SLC22A15: variants seen among roughly 807,000 people sequenced by gnomAD.
The protein encoded by SLC22A15 is flipt 1.
In SLC22A15, 45 loss-of-function variants were observed where a neutral mutation model predicts 62.7. That is an observed-to-expected ratio of 0.72 (90% CI 0.56 to 0.92). The LOEUF (loss-of-function observed/expected upper bound fraction) is 0.92. Ranked by LOEUF, SLC22A15 falls within the 40% of genes least tolerant of loss-of-function variation. The pLI is 0.00. For synonymous variants in SLC22A15, 264 were observed against 267.0 expected (o/e 0.99, Z 0.11); for missense variants, 622 against 665.6 (o/e 0.93, Z 0.72).
chr1:116,055,188 A>G (rs1270993773), intron 8 of SLC22A15, among the ~76,000 whole-genome samples: 2 of 150,350 alleles, frequency 1.3e-5, no homozygotes, highest in African/African-American at 2.4e-5. Context: ...AGAGAGAAGA[A>G]TCAAATAGAC....
chr1:116,062,295 C>T (rs1658403205), intron 8 of SLC22A15, among the ~76,000 whole-genome samples: 1 of 152,104 alleles, frequency 6.6e-6, no homozygotes. Context: ...AATGAAACAC[C>T]AGAGAATGCA....
intron 2 of SLC22A15, among the ~76,000 whole-genome samples, chr1:115,998,330 CCT>C: frequency 6.6e-6 from 1 of 152,056 alleles, no homozygotes; most frequent in Admixed American, 6.6e-5. Flanking sequence ...CAGCTCTCTT[CCT>C]CTATTTTTTG....
chr1:115,977,117 A>G (rs559409536), intron 1 of SLC22A15, among the ~76,000 whole-genome samples: 1 of 152,322 alleles, frequency 6.6e-6, no homozygotes, highest in East Asian at 1.9e-4. Context: ...GTCACCTTGG[A>G]ATCTAGGACA....
At chr1:115,989,807 A>T (rs1321828381) in intron 1 of SLC22A15, among the ~76,000 whole-genome samples, 4 of 152,104 alleles carry the variant, frequency 2.6e-5, no homozygotes, top group African/African-American at 9.7e-5. Context: ...ATATGTTAAC[A>T]TATATTCAAA....
intron 1 of SLC22A15, among the ~76,000 whole-genome samples, chr1:115,986,434 T>A (rs1234342980): frequency 1.3e-5 from 2 of 152,304 alleles, no homozygotes; most frequent in Admixed American, 1.3e-4. Flanking sequence ...CAAAGCAATA[T>A]TTCCCCCGTA....
At chr1:116,037,423 A>G (rs1177510327) in intron 8 of SLC22A15, 35 bp downstream of exon 8, 1 of 1,443,836 alleles carries the variant, frequency 6.9e-7, no homozygotes, top group Admixed American at 1.7e-5. Flanking sequence ...GGTTTTGAAC[A>G]GTACTTTCAT....
chr1:116,061,299 G>A (rs1466975348), intron 8 of SLC22A15, among the ~76,000 whole-genome samples: 1 of 152,202 alleles, frequency 6.6e-6, no homozygotes, highest in Non-Finnish European at 1.5e-5. Context: ...AGTGGAGGTT[G>A]AAGGAAAGAG....
At position 116,066,709 on chromosome 1, in the gene SLC22A15, G is replaced by A. The variant is rs755021421; in HGVS notation, c.1554+1G>A. Reference sequence around the variant, plus strand: ...TTTACAGGCTTTGGACCCCCAACAGGTGTGATATTTTTCTTAATTATTATA... The same window carrying A: ...TTTACAGGCTTTGGACCCCCAACAGATGTGATATTTTTCTTAATTATTATA... On this transcript the variant is annotated splice_donor_variant, in intron 11 of 11. Coordinates refer to ENST00000369503, the MANE Select transcript of SLC22A15 (RefSeq NM_018420.3). LOFTEE classifies it high-confidence loss of function. The A allele has an allele frequency of 1.2e-6, 2 of 1,608,604 alleles. No homozygotes were observed. The highest frequency in any genetic ancestry group is 8.5e-7 in the Non-Finnish European group (1 of 1,177,950).
chr1:116,037,175 C>A, intron 7 of SLC22A15, 128 bp from the exon 8 acceptor site: 1 of 735,550 alleles, frequency 1.4e-6, no homozygotes, highest in Non-Finnish European at 2.3e-6. Flanking sequence ...GTCACATTTG[C>A]CACTTAGCCT....
intron 8 of SLC22A15, among the ~76,000 whole-genome samples, chr1:116,060,183 A>G (rs1257630950): frequency 2.0e-5 from 3 of 152,260 alleles, no homozygotes; most frequent in Non-Finnish European, 4.4e-5. Context: ...AGTCCCAGAA[A>G]GAAAAAGAAA....
intron 11 of SLC22A15, 106 bp from the exon 12 acceptor site, chr1:116,066,913 T>C: frequency 1.0e-6 from 1 of 990,876 alleles, no homozygotes; most frequent in Non-Finnish European, 1.5e-6. Flanking sequence ...CTTGGGGGAA[T>C]GAATGTCATA....
chr1:116,028,548 TAA>T (rs67564443), intron 5 of SLC22A15, among the ~76,000 whole-genome samples: 1 of 91,884 alleles, frequency 1.1e-5, no homozygotes, highest in African/African-American at 4.3e-5. Flanking sequence ...TTTTTTTTTT[TAA>T]AATATATAGT....
intron 2 of SLC22A15, among the ~76,000 whole-genome samples, chr1:116,018,465 C>T (rs1456676663): frequency 4.6e-5 from 7 of 152,008 alleles, no homozygotes; most frequent in Non-Finnish European, 1.0e-4. Flanking sequence ...CCCGGGTTCA[C>T]ACCATTCTCC....
chr1:115,994,724 C>T (rs1655334585), intron 2 of SLC22A15, among the ~76,000 whole-genome samples: 4 of 152,096 alleles, frequency 2.6e-5, no homozygotes, highest in Non-Finnish European at 5.9e-5. Flanking sequence ...TGCCCAGATA[C>T]TTCAGCGTGT....
intron 1 of SLC22A15, among the ~76,000 whole-genome samples, chr1:115,982,353 T>G (rs762601597): frequency 6.6e-6 from 1 of 152,244 alleles, no homozygotes; most frequent in Non-Finnish European, 1.5e-5. Flanking sequence ...AAGTAAAGCA[T>G]GCTCACATTT....
intron 8 of SLC22A15, among the ~76,000 whole-genome samples, chr1:116,045,568 G>A (rs374721474): frequency 6.6e-6 from 1 of 150,804 alleles, no homozygotes; most frequent in Non-Finnish European, 1.5e-5. Flanking sequence ...GTGAAACCCC[G>A]TCTCTACTAA....
intron 1 of SLC22A15, 100 bp downstream of exon 1, chr1:115,976,814 G>A (rs1570672948): frequency 3.2e-6 from 3 of 942,150 alleles, no homozygotes; most frequent in Middle Eastern, 3.0e-4. Flanking sequence ...GGCCGAGGCC[G>A]AGGCTCTGCA....
intron 4 of SLC22A15, among the ~76,000 whole-genome samples, chr1:116,025,074 A>T (rs1657023336): frequency 6.6e-6 from 1 of 152,194 alleles, no homozygotes; most frequent in African/African-American, 2.4e-5. Context: ...TTTGTATAAC[A>T]TGAGGTAGGC....
At chr1:116,052,314 T>A (rs180906649) in intron 8 of SLC22A15, among the ~76,000 whole-genome samples, 44 of 152,266 alleles carry the variant, frequency 2.9e-4, no homozygotes, top group African/African-American at 1.1e-3. Flanking sequence ...CAGTCTGAGA[T>A]CCAACTGCAA....
Sources: gnomAD v4.1 joint callset for allele counts (sites outside exome capture counted in the v4.1 genomes callset) on GRCh38, gnomAD v4.1.1 for gene constraint, MANE v1.5 for transcripts, NCBI Gene and HGNC (gene_info 2026-07-23, HGNC 2026-07-21) for gene names.